The following SYDE2 variants were observed in gnomAD, a reference collection of about 807,000 sequenced individuals.
SYDE2 encodes the protein synapse defective Rho GTPase homolog 2, also known as rho GTPase-activating protein SYDE2.
Under a neutral mutation model 91.5 loss-of-function variants are expected in SYDE2, and 76 were observed. That is an observed-to-expected ratio of 0.83 (90% CI 0.69 to 1.01). The LOEUF (loss-of-function observed/expected upper bound fraction) is 1.01. Among genes scored for constraint, SYDE2 ranks in the 50% least tolerant of loss-of-function variants. SYDE2 has a pLI of 0.00. For missense variants in SYDE2, 1,364 were observed against 1,367.7 expected, an observed-to-expected ratio of 1.00 and a Z score of 0.04; for synonymous variants, 513 against 506.4, an observed-to-expected ratio of 1.01 and a Z score of -0.18.
In SYDE2 at chr1:85,158,516, T is replaced by G; in HGVS notation, c.*234A>C. Reference sequence around the variant, plus strand: ...GTTATCTCCATAGAGTTGGCAAGATTTAGTAAAATATCCCAAGAAGTCCAA... The same window carrying G: ...GTTATCTCCATAGAGTTGGCAAGATGTAGTAAAATATCCCAAGAAGTCCAA... On this transcript the variant is annotated 3_prime_UTR_variant, in exon 7 of 7. Transcript: ENST00000341460. 2.3e-6 allele frequency: 1 copy of G among 426,934 alleles called. No homozygotes were observed. Among genetic ancestry groups the G allele is most frequent in the Non-Finnish European group, 4.1e-6 (1 of 246,280 alleles). The allele number at this position is 426,934 out of a possible 1,614,324, so 26.4% of individuals were successfully genotyped here.
intron 4 of SYDE2, among the ~76,000 whole-genome samples, chr1:85,177,332 T>C (rs1657738643): frequency 6.6e-6 from 1 of 152,202 alleles, no homozygotes; most frequent in Admixed American, 6.5e-5. Context: ...CAAATTCTAC[T>C]GCATCCTCTT....
At chr1:85,154,454 C>A (rs112432472), downstream of SYDE2, among the ~76,000 whole-genome samples, 9 of 12,402 alleles carry the variant, frequency 7.3e-4, no homozygotes, top group African/African-American at 2.6e-3. Flanking sequence ...TTCTGGCCTT[C>A]TTATTCTAGT....
intron 2 of SYDE2, among the ~76,000 whole-genome samples, chr1:85,186,668 T>C (rs12045942): frequency 6.6e-6 from 1 of 151,554 alleles, no homozygotes; most frequent in Non-Finnish European, 1.5e-5. Flanking sequence ...AAAACAGAGA[T>C]ATAGATCAAT....
chr1:85,177,240 T>C (rs974218117), intron 4 of SYDE2, among the ~76,000 whole-genome samples: 5 of 152,172 alleles, frequency 3.3e-5, no homozygotes, highest in African/African-American at 1.2e-4. Context: ...CTTTCCACTC[T>C]TATCTTTCAG....
intron 6 of SYDE2, among the ~76,000 whole-genome samples, chr1:85,162,908 AG>A (rs1222253201): frequency 6.6e-6 from 1 of 152,158 alleles, no homozygotes; most frequent in Non-Finnish European, 1.5e-5. Context: ...TAGAAAAAGG[AG>A]ACACAGTTGA....
intron 1 of SYDE2, among the ~76,000 whole-genome samples, chr1:85,191,281 T>G (rs894109295): frequency 8.5e-5 from 13 of 152,282 alleles, no homozygotes; most frequent in African/African-American, 2.9e-4. Flanking sequence ...TGGCACCTTA[T>G]GTAGGGTTTA....
At chr1:85,172,183 A>G (rs1657526443) in intron 4 of SYDE2, among the ~76,000 whole-genome samples, 1 of 152,200 alleles carries the variant, frequency 6.6e-6, no homozygotes, top group African/African-American at 2.4e-5. Flanking sequence ...TATGCCAAAG[A>G]AGGCACATTG....
At chr1:85,199,328 ATAT>A (rs994314673) in intron 1 of SYDE2, among the ~76,000 whole-genome samples, 1 of 152,160 alleles carries the variant, frequency 6.6e-6, no homozygotes, top group African/African-American at 2.4e-5. Context: ...CACTTTGAAG[ATAT>A]TATACTCCTT....
At chr1:85,189,474 G>C (rs1030249030) in intron 2 of SYDE2, among the ~76,000 whole-genome samples, 3 of 152,158 alleles carry the variant, frequency 2.0e-5, no homozygotes, top group African/African-American at 7.2e-5. Context: ...ATGATTTCTT[G>C]CTTCCAACTA....
At position 85,158,662 on chromosome 1, in the gene SYDE2, A is replaced by C. The variant is rs542882909; in HGVS notation, c.*88T>G. 1.4e-5 allele frequency: 8 copies of C among 577,314 alleles called. No homozygotes were observed. The East Asian group carries it at 2.4e-4, about 18-fold the overall frequency. The allele number at this position is 577,314 out of a possible 1,614,324, so 35.8% of individuals were successfully genotyped here. A position where few individuals can be genotyped will look rare whatever the true frequency, so the allele number is the denominator to read the frequency against. On this transcript the variant is annotated 3_prime_UTR_variant, in exon 7 of 7. Transcript: ENST00000341460. ...TTAATTAAAGATTTCAAGAGTAAAA[A>C]AATGAAAACATCGCTGTGGGTGGTA...
rs1656896539 is a variant in SYDE2, at chr1:85,156,969, A to G, written c.*1781T>C. 1.3e-5 allele frequency: 2 copies of G among 152,072 alleles called. No homozygotes were observed. The highest frequency in any genetic ancestry group is 2.9e-5 in the Non-Finnish European group (2 of 67,960). The allele number at this position is 152,072 out of a possible 1,614,324, so 9.4% of individuals were successfully genotyped here. A position where few individuals can be genotyped will look rare whatever the true frequency, so the allele number is the denominator to read the frequency against. On this transcript the variant is annotated 3_prime_UTR_variant, in exon 7 of 7. Coordinates refer to ENST00000341460, the MANE Select transcript of SYDE2 (RefSeq NM_032184.2). ...AAGGAAACTGAGACAGCTTTCCTATAAAACATTCAAGAGTACTTTCCTTTG... is the reference window on the plus strand; with the variant it reads ...AAGGAAACTGAGACAGCTTTCCTATGAAACATTCAAGAGTACTTTCCTTTG...
chr1:85,189,967 T>TA (rs1322088732), intron 2 of SYDE2, 90 bp downstream of exon 2: 1 of 1,055,520 alleles, frequency 9.5e-7, no homozygotes, highest in Non-Finnish European at 1.4e-6. Context: ...TACATGAATA[T>TA]AACAAACATC....
intron 4 of SYDE2, among the ~76,000 whole-genome samples, chr1:85,173,806 C>T (rs147585008): frequency 1.3e-5 from 2 of 151,974 alleles, no homozygotes; most frequent in Non-Finnish European, 2.9e-5. Flanking sequence ...AATTAGTAGA[C>T]AAGAACATGA....
intron 6 of SYDE2, among the ~76,000 whole-genome samples, chr1:85,161,704 C>A (rs1286427373): frequency 7.3e-6 from 1 of 136,888 alleles, no homozygotes; most frequent in Non-Finnish European, 1.5e-5. Flanking sequence ...CCAACCTGGG[C>A]GACACAGTGA....
intron 4 of SYDE2, among the ~76,000 whole-genome samples, chr1:85,176,631 T>G (rs911930001): frequency 6.6e-6 from 1 of 151,988 alleles, no homozygotes; most frequent in Non-Finnish European, 1.5e-5. Context: ...ATTAACACAT[T>G]ACAGCAAGAA....
chr1:85,193,329 T>C (rs1287424565), intron 1 of SYDE2, among the ~76,000 whole-genome samples: 2 of 152,232 alleles, frequency 1.3e-5, no homozygotes, highest in Non-Finnish European at 2.9e-5. Context: ...TTTGACCCAA[T>C]TTAAATTTGA....
intron 6 of SYDE2, among the ~76,000 whole-genome samples, chr1:85,161,425 T>C (rs1428404401): frequency 6.6e-6 from 1 of 152,198 alleles, no homozygotes; most frequent in East Asian, 1.9e-4. Flanking sequence ...AATATATTTA[T>C]CATAGAAAAT....
chr1:85,164,717 G>A lies in SYDE2; in HGVS notation c.2894C>T (p.Ala965Val). 6.8e-7 allele frequency: 1 copy of A among 1,462,538 alleles called. No individual in the cohort carries two copies. Among genetic ancestry groups the A allele is most frequent in the Non-Finnish European group, 9.0e-7 (1 of 1,106,516 alleles). The allele number at this position is 1,462,538 out of a possible 1,614,324, so 90.6% of individuals were successfully genotyped here. The part of the protein sequence containing the change: ...KMLLDHLKLV[A>V]SYHEVNKMTC... ...CATCTTATTCACTTCATGATAGGAAGCCACCAATTTCAAATGATCCAACAA... is the reference window on the plus strand; with the variant it reads ...CATCTTATTCACTTCATGATAGGAAACCACCAATTTCAAATGATCCAACAA... The change falls in exon 6 of 7, where the codon GCT becomes GTT. Residue 965 changes from alanine (A) to valine (V), a missense_variant. Physicochemically the swap from Ala to Val is moderately conservative, Grantham distance 64. Coordinates refer to ENST00000341460, the MANE Select transcript of SYDE2 (RefSeq NM_032184.2).
In SYDE2 at chr1:85,182,996, A is replaced by T. The variant is rs1280232429; in HGVS notation, c.1646T>A (p.Leu549Ter). Residue 549 changes from leucine to a stop codon, truncating the protein, a stop_gained, in exon 3 of 7, where the codon TTG (leucine) becomes TAG (stop). Transcript: ENST00000341460. LOFTEE classifies it high-confidence loss of function. ...FSRKLSVKGT[L>*]NYINSPDNTP... ...ATTATCTGGACTGTTTATATAATTC[A>T]ATGTTCCCTTAACGCTTAGCTTTCG... is the stretch of plus-strand genomic sequence containing the variant. 3.7e-6 allele frequency: 6 copies of T among 1,613,050 alleles called. No homozygotes were observed.
Sources: gnomAD v4.1 joint callset for allele counts (sites outside exome capture counted in the v4.1 genomes callset) on GRCh38, gnomAD v4.1.1 for gene constraint, MANE v1.5 for transcripts, NCBI Gene and HGNC (gene_info 2026-07-23, HGNC 2026-07-21) for gene names.